OR1D2: variants seen among roughly 807,000 people sequenced by gnomAD.
The protein encoded by OR1D2 is olfactory receptor 1D2.
For missense variants in OR1D2, 357 were observed against 376.1 expected, an observed-to-expected ratio of 0.95 and a Z score of 0.42; for synonymous variants, 157 against 153.9, an observed-to-expected ratio of 1.02 and a Z score of -0.15.
rs566484502 is a variant in OR1D2 at position 3,099,519 on chromosome 17, G to C, written c.-51+4580C>G. Among the ~76,000 whole-genome samples, 111 of 152,268 alleles carry C rather than the reference G, an allele frequency of 7.3e-4. 1 individual carries two copies. The highest frequency in any genetic ancestry group is 3.4e-4 in the Non-Finnish European group (23 of 68,034). On this transcript the variant is annotated intron_variant, in intron 1 of 1. Transcript: ENST00000641833. ...CCAGGCCTGCTTTACAAGAGTTCCT[G>C]AAGGAAGCACTAAATATGGAAAGGA... is the stretch of plus-strand genomic sequence containing the variant.
Position 3,089,761 on chromosome 17 carries a change from T to C in OR1D2, c.*2297A>G, listed in dbSNP as rs2047795576. 1 of 152,274 alleles carries C rather than the reference T, an allele frequency of 6.6e-6. No individual in the cohort carries two copies. Among genetic ancestry groups the C allele is most frequent in the Admixed American group, 6.5e-5 (1 of 15,282 alleles). 9.4% of individuals were successfully genotyped at this position (152,274 alleles called of 1,614,324 possible). On this transcript the variant is annotated 3_prime_UTR_variant, in exon 2 of 2. Coordinates refer to ENST00000641833, the MANE Select transcript of OR1D2 (RefSeq NM_002548.3). ...TGTGGTTAACAGGCCAATGAAGTTA[T>C]GTTCCCATGGGGATTATGGCTGCCT...
rs1274952701 is a variant in OR1D2 at position 3,092,034 on chromosome 17, T to C, written c.*24A>G. The C allele has an allele frequency of 1.3e-6, 2 of 1,551,494 alleles. No homozygotes were observed. Among genetic ancestry groups the C allele is most frequent in the East Asian group, 2.2e-5 (1 of 44,628 alleles). ...TGAAGGATATTCCTAGTCTCCACTTTAATGCTGTCTTTCCAAATTGCCCTC... is the reference window on the plus strand; with the variant it reads ...TGAAGGATATTCCTAGTCTCCACTTCAATGCTGTCTTTCCAAATTGCCCTC... On this transcript the variant is annotated 3_prime_UTR_variant, in exon 2 of 2. Transcript: ENST00000641833.
rs768067237 is a variant in OR1D2, at chr17:3,092,820, C to T, written c.177G>A (p.Val59=). 4 of 1,614,080 alleles carry T rather than the reference C, an allele frequency of 2.5e-6. No homozygotes were observed. The Admixed American group carries it at 6.7e-5, about 27-fold the overall frequency. The change falls in exon 2 of 2, where the codon GTG becomes GTA. Residue 59 remains valine (V), a synonymous_variant. Transcript: ENST00000641833. ...ISSDSRLHTP[V]YFFLANLSFT... ...AGGAGAGGTTGGCCAGGAAGAAGTA[C>T]ACGGGGGTGTGCAGGCGGGAATCAG...
chr17:3,091,910 T>C lies in OR1D2; in HGVS notation c.*148A>G. On this transcript the variant is annotated 3_prime_UTR_variant, in exon 2 of 2. Transcript: ENST00000641833. ...GACCTGGGGGACACCAGGTTACAAA[T>C]ATGTCTTTTTTATCACCACATATCT... 1.6e-6 allele frequency: 1 copy of C among 640,024 alleles called. No homozygotes were observed. Among genetic ancestry groups the C allele is most frequent in the East Asian group, 2.7e-5 (1 of 36,488 alleles). The allele number at this position is 640,024 out of a possible 1,614,324, so 39.6% of individuals were successfully genotyped here. A position where few individuals can be genotyped will look rare whatever the true frequency, so the allele number is the denominator to read the frequency against.
chr17:3,097,264 G>A (rs2047850574), intron 1 of OR1D2, among the ~76,000 whole-genome samples: 1 of 152,158 alleles, frequency 6.6e-6, no homozygotes, highest in Non-Finnish European at 1.5e-5. Flanking sequence ...AAACTTGAAA[G>A]CATTCCTACT....
intron 1 of OR1D2, among the ~76,000 whole-genome samples, chr17:3,100,395 G>T (rs2047869322): frequency 6.6e-6 from 1 of 152,074 alleles, no homozygotes; most frequent in South Asian, 2.1e-4. Context: ...ACAATTACAT[G>T]GAAATTGAAC....
chr17:3,098,771 A>G (rs2047860523), intron 1 of OR1D2, among the ~76,000 whole-genome samples: 1 of 152,212 alleles, frequency 6.6e-6, no homozygotes, highest in Non-Finnish European at 1.5e-5. Flanking sequence ...CAAAGAAGCT[A>G]AGAACCTTGA....
At chr17:3,103,056 T>A (rs938542778) in intron 1 of OR1D2, among the ~76,000 whole-genome samples, 10 of 152,234 alleles carry the variant, frequency 6.6e-5, no homozygotes, top group South Asian at 4.1e-4. Flanking sequence ...CACACGGTAT[T>A]ACAGGCTTCC....
chr17:3,099,435 A>C (rs1211509984), intron 1 of OR1D2, among the ~76,000 whole-genome samples: 1 of 152,182 alleles, frequency 6.6e-6, no homozygotes, highest in Non-Finnish European at 1.5e-5. Flanking sequence ...TAAGCTTCAT[A>C]AGTGAAGGAG....
At position 3,092,937 on chromosome 17, in the gene OR1D2, ACT is replaced by A. The variant is rs1272251491; in HGVS notation, c.58_59del (p.Pro21Ter). Reference sequence around the variant, plus strand: ...AAAACAGGATCCGCTGCTGCTCAGGACTCTCTGACATCCCCAGGAGAAGGAAC... The same window carrying A: ...AAAACAGGATCCGCTGCTGCTCAGGACTCTGACATCCCCAGGAGAAGGAAC... ...SEFLLLGMSE[S>X]PEQQRILFWM... On this transcript the variant is annotated frameshift_variant, in exon 2 of 2. Transcript: ENST00000641833. LOFTEE classifies it low-confidence loss of function (END_TRUNC). 1.2e-6 allele frequency: 2 copies of A among 1,613,238 alleles called. No homozygotes were observed. Among genetic ancestry groups the A allele is most frequent in the African/African-American group, 1.3e-5 (1 of 74,640 alleles).
intron 1 of OR1D2, among the ~76,000 whole-genome samples, chr17:3,097,436 A>G (rs923766649): frequency 2.6e-5 from 4 of 152,214 alleles, no homozygotes; most frequent in African/African-American, 9.6e-5. Context: ...TCGTATGCTG[A>G]GAAAGCTCTA....
chr17:3,090,757 G>A lies in OR1D2; in HGVS notation c.*1301C>T, dbSNP rs2047801844. On this transcript the variant is annotated 3_prime_UTR_variant, in exon 2 of 2. Coordinates refer to ENST00000641833, the MANE Select transcript of OR1D2 (RefSeq NM_002548.3). ...GGCACCATGCACAGGCCCACTGTAG[G>A]GTGCAAGGCCCCAGTTGTTAAAATA... 1 of 152,192 alleles carries A rather than the reference G, an allele frequency of 6.6e-6. No homozygotes were observed. The highest frequency in any genetic ancestry group is 1.5e-5 in the Non-Finnish European group (1 of 68,056). The allele number at this position is 152,192 out of a possible 1,614,324, so 9.4% of individuals were successfully genotyped here.
Position 3,091,921 on chromosome 17 carries a change from T to TA in OR1D2, c.*136dup. 1.5e-6 allele frequency: 1 copy of TA among 677,068 alleles called. No homozygotes were observed. Among genetic ancestry groups the TA allele is most frequent in the South Asian group, 2.1e-5 (1 of 46,698 alleles). 41.9% of individuals were successfully genotyped at this position (677,068 alleles called of 1,614,324 possible). A position where few individuals can be genotyped will look rare whatever the true frequency, so the allele number is the denominator to read the frequency against. On this transcript the variant is annotated 3_prime_UTR_variant, in exon 2 of 2. Transcript: ENST00000641833. ...CACCAGGTTACAAATATGTCTTTTT[T>TA]ATCACCACATATCTATATGCTGTCT...
intron 1 of OR1D2, among the ~76,000 whole-genome samples, chr17:3,096,814 A>AAAG (rs68046164): frequency 0.11 from 17,015 of 152,192 alleles, 1,300 homozygotes; most frequent in African/African-American, 0.2. Flanking sequence ...GAACAACTAG[A>AAAG]AAGATCAACA....
In OR1D2 at chr17:3,092,397, A is replaced by T; in HGVS notation, c.600T>A (p.Ile200=). Residue 200 remains isoleucine (I), a synonymous_variant, in exon 2 of 2, where the codon ATT becomes ATA. Transcript: ENST00000641833. ...SNIQINHTVL[I]ATGCFIFLIP... ...TGAGGAAGATGAAGCAGCCTGTGGC[A>T]ATCAGCACTGTGTGATTAATCTGAA... The T allele has an allele frequency of 6.2e-7, 1 of 1,614,246 alleles. No homozygotes were observed. The highest frequency in any genetic ancestry group is 8.5e-7 in the Non-Finnish European group (1 of 1,180,048).
At position 3,090,060 on chromosome 17, in the gene OR1D2, G is replaced by A. The variant is rs1030447153; in HGVS notation, c.*1998C>T. ...CCATTTTTAGAAAAATAAGTTTTCT[G>A]CCTCCTTTTCTTTCACTTTTCCTTC... On this transcript the variant is annotated 3_prime_UTR_variant, in exon 2 of 2. Coordinates refer to ENST00000641833, the MANE Select transcript of OR1D2 (RefSeq NM_002548.3). 6.6e-6 allele frequency: 1 copy of A among 152,132 alleles called. No individual in the cohort carries two copies. The highest frequency in any genetic ancestry group is 1.5e-5 in the Non-Finnish European group (1 of 68,026). 9.4% of individuals were successfully genotyped at this position (152,132 alleles called of 1,614,324 possible).
chr17:3,095,746 A>T (rs944511980), intron 1 of OR1D2, among the ~76,000 whole-genome samples: 1 of 151,974 alleles, frequency 6.6e-6, no homozygotes. Context: ...AACACCATTT[A>T]TGTAAGATAA....
chr17:3,100,547 G>T (rs1421740120), intron 1 of OR1D2, among the ~76,000 whole-genome samples: 1 of 152,154 alleles, frequency 6.6e-6, no homozygotes, highest in Non-Finnish European at 1.5e-5. Context: ...GAAATTTATA[G>T]CACTAAATGC....
At chr17:3,101,575 C>A (rs1313633963) in intron 1 of OR1D2, among the ~76,000 whole-genome samples, 1 of 152,116 alleles carries the variant, frequency 6.6e-6, no homozygotes, top group Admixed American at 6.5e-5. Context: ...ATTGAATGAG[C>A]AAAAGCTGCA....
Sources: allele counts gnomAD v4.1 joint callset (sites outside exome capture counted in the v4.1 genomes callset), GRCh38; gene constraint gnomAD v4.1.1; transcripts MANE v1.5; gene names NCBI Gene and HGNC (gene_info 2026-07-23, HGNC 2026-07-21).